PTPN20: variants seen among roughly 807,000 people sequenced by gnomAD.
PTPN20 encodes the protein protein tyrosine phosphatase non-receptor type 20.
A neutral mutation model predicts 35.0 loss-of-function variants in PTPN20; 9 were observed. That is an observed-to-expected ratio of 0.26 (90% CI 0.15 to 0.45). The LOEUF (loss-of-function observed/expected upper bound fraction) is 0.45. Ranked by LOEUF, PTPN20 falls within the 20% of genes least tolerant of loss-of-function variation. The probability of loss-of-function intolerance (pLI) is 1.00; values close to 1 mark genes in which losing one functional copy is unlikely to be tolerated. For synonymous variants in PTPN20, 32 were observed against 100.2 expected, an observed-to-expected ratio of 0.32 and a Z score of 4.06; for missense variants, 111 against 312.5, an observed-to-expected ratio of 0.36 and a Z score of 4.86.
chr10:46,997,410 A>G (rs1161376283), intron 9 of PTPN20, among the ~76,000 whole-genome samples: 16 of 151,046 alleles, frequency 1.1e-4, no homozygotes, highest in Admixed American at 1.3e-4. Context: ...ATAGACAGTC[A>G]TGCCATGTGC....
At chr10:46,992,264 A>T (rs891833040) in intron 9 of PTPN20, among the ~76,000 whole-genome samples, 6 of 151,776 alleles carry the variant, frequency 4.0e-5, no homozygotes, top group Non-Finnish European at 4.4e-5. Flanking sequence ...CTGGGACTAC[A>T]AGCGCGTGCC....
intron 9 of PTPN20, among the ~76,000 whole-genome samples, chr10:46,993,033 G>A (rs937430199): frequency 6.6e-6 from 1 of 152,162 alleles, no homozygotes; most frequent in Non-Finnish European, 1.5e-5. Context: ...CTAGATTCTG[G>A]CACTGGATTT....
At chr10:46,935,989 G>A (rs1317003755) in intron 2 of PTPN20, among the ~76,000 whole-genome samples, 8 of 151,622 alleles carry the variant, frequency 5.3e-5, no homozygotes, top group Admixed American at 5.3e-4. Flanking sequence ...TTTAATAATA[G>A]CCTTTCTGGC....
chr10:46,976,907 A>AAT (rs2053849887), intron 7 of PTPN20, among the ~76,000 whole-genome samples: 1 of 149,672 alleles, frequency 6.7e-6, no homozygotes, highest in African/African-American at 2.5e-5. Context: ...ATAGGAAACT[A>AAT]ATATAAGTTT....
chr10:46,954,129 C>A (rs2047709715), intron 5 of PTPN20, among the ~76,000 whole-genome samples: 1 of 96,716 alleles, frequency 1.0e-5, no homozygotes, highest in Non-Finnish European at 1.9e-5. Context: ...AACAAAATAT[C>A]CAAGAATGGA....
intron 9 of PTPN20, among the ~76,000 whole-genome samples, chr10:46,993,347 G>A (rs1159801388): frequency 2.0e-5 from 3 of 152,194 alleles, no homozygotes; most frequent in Non-Finnish European, 4.4e-5. Flanking sequence ...CAAAGATTAG[G>A]TCACCAGGAG....
At chr10:46,950,980 C>T (rs1589504943) in intron 5 of PTPN20, among the ~76,000 whole-genome samples, 1 of 146,788 alleles carries the variant, frequency 6.8e-6, no homozygotes, top group Non-Finnish European at 1.5e-5. Flanking sequence ...AATATATTCA[C>T]CCATTCTCCA....
chr10:46,995,692 G>A (rs1266728187), intron 9 of PTPN20, among the ~76,000 whole-genome samples: 1 of 152,188 alleles, frequency 6.6e-6, no homozygotes, highest in Non-Finnish European at 1.5e-5. Flanking sequence ...GGCACATGTA[G>A]TGCTTCCTGT....
intron 9 of PTPN20, among the ~76,000 whole-genome samples, chr10:46,998,037 C>T (rs896637129): frequency 3.9e-5 from 6 of 152,086 alleles, no homozygotes; most frequent in South Asian, 4.2e-4. Context: ...CCAGCCACTA[C>T]GGAAAACAAT....
At chr10:47,000,117 A>G (rs1388027599) in intron 10 of PTPN20, 143 bp downstream of exon 10, 2 of 1,250,176 alleles carry the variant, frequency 1.6e-6, no homozygotes, top group East Asian at 4.7e-5. Flanking sequence ...TTTTGCTCTG[A>G]TTCTCTGGTA....
Position 47,000,715 on chromosome 10 carries a change from C to T in PTPN20, c.1237C>T (p.Leu413Phe), listed in dbSNP as rs2059947445. ...HFCYDIVLEV[L>F]RKLLTLD ...TTGTTACGATATTGTGCTTGAAGTT[C>T]TTCGGAAACTTCTGACTTTGGATTA... is the stretch of plus-strand genomic sequence containing the variant. Residue 413 changes from leucine to phenylalanine, a missense_variant, in exon 11 of 11, where the codon CTT (leucine) becomes TTT (phenylalanine). Around this residue, in one of 5 missense-constraint regions of PTPN20, gnomAD observed 61 missense variants for 54.3 expected, o/e 1.12. Transcript: ENST00000374339. 5 of 1,613,402 alleles carry T rather than the reference C, an allele frequency of 3.1e-6. No homozygotes were observed. Among genetic ancestry groups the T allele is most frequent in the Non-Finnish European group, 4.2e-6 (5 of 1,179,584 alleles).
chr10:46,946,616 G>A lies in PTPN20; in HGVS notation c.281G>A (p.Trp94Ter), dbSNP rs1555141314. The part of the protein sequence containing the change: ...TARGPFRRDR[W>*]SSEDEEAAGP... ...AGAGGCCCCTTCAGAAGAGACAGGT[G>A]GAGCAGTGAGGATGAGGAGGCTGCA... The change falls in exon 5 of 11, where the codon TGG (tryptophan) becomes TAG (stop). Residue 94 changes from tryptophan (W) to a stop codon, truncating the protein, a stop_gained. Coordinates refer to ENST00000374339, the MANE Select transcript of PTPN20 (RefSeq NM_001042357.5). LOFTEE classifies it high-confidence loss of function. 6.2e-7 allele frequency: 1 copy of A among 1,611,452 alleles called. No homozygotes were observed. The highest frequency in any genetic ancestry group is 8.5e-7 in the Non-Finnish European group (1 of 1,179,660).
intron 1 of PTPN20, among the ~76,000 whole-genome samples, chr10:46,931,742 A>G (rs2039678410): frequency 1.4e-5 from 2 of 144,864 alleles, no homozygotes; most frequent in African/African-American, 5.6e-5. Context: ...TCTGTTTCAC[A>G]CATTAACTTT....
chr10:46,924,053 T>A, intron 1 of PTPN20, among the ~76,000 whole-genome samples: 1 of 151,614 alleles, frequency 6.6e-6, no homozygotes, highest in Admixed American at 6.6e-5. Flanking sequence ...TTCTGCAACC[T>A]TGCTGTAATT....
At chr10:46,994,630 G>A (rs915690512) in intron 9 of PTPN20, among the ~76,000 whole-genome samples, 3 of 152,020 alleles carry the variant, frequency 2.0e-5, no homozygotes, top group Admixed American at 6.5e-5. Context: ...CACCGCGCCC[G>A]GCCCTGATGC....
At chr10:46,911,617 A>G in intron 1 of PTPN20, 116 bp downstream of exon 1, 1 of 172,682 alleles carries the variant, frequency 5.8e-6, no homozygotes, top group Non-Finnish European at 1.1e-5. Flanking sequence ...AGGGGTCACA[A>G]GGCGTGGGTT....
At chr10:46,993,054 G>GGTA (rs1230085246) in intron 9 of PTPN20, among the ~76,000 whole-genome samples, 16 of 152,190 alleles carry the variant, frequency 1.1e-4, no homozygotes, top group Non-Finnish European at 2.4e-4. Context: ...CACAGGCAGT[G>GGTA]TATACTGGAA....
chr10:46,926,825 T>C (rs2037587286), intron 1 of PTPN20, among the ~76,000 whole-genome samples: 1 of 151,658 alleles, frequency 6.6e-6, no homozygotes, highest in Admixed American at 6.6e-5. Context: ...GTATGGAAAC[T>C]TGTGTGAAGT....
At chr10:46,938,989 C>A (rs2042588498) in intron 2 of PTPN20, among the ~76,000 whole-genome samples, 1 of 152,062 alleles carries the variant, frequency 6.6e-6, no homozygotes, top group Non-Finnish European at 1.5e-5. Context: ...TATTATTGGC[C>A]TGTAAGTCGC....
Sources: allele counts gnomAD v4.1 joint callset (sites outside exome capture counted in the v4.1 genomes callset), GRCh38; gene constraint gnomAD v4.1.1; regional missense constraint gnomAD v4.1.1; transcripts MANE v1.5; gene names NCBI Gene and HGNC (gene_info 2026-07-23, HGNC 2026-07-21).